Variants in DYNC1LI2 observed in about 807,000 individuals in gnomAD.
The protein encoded by DYNC1LI2 is cytoplasmic dynein 1 light intermediate chain 2.
Under a neutral mutation model 57.8 loss-of-function variants are expected in DYNC1LI2, and 19 were observed. That is an observed-to-expected ratio of 0.33 (90% CI 0.23 to 0.48). DYNC1LI2 has a LOEUF of 0.48. DYNC1LI2 is among the 20% of genes least tolerant of loss of function. The pLI is 0.99. For synonymous variants in DYNC1LI2, 256 were observed against 233.4 expected (o/e 1.10, Z -0.88); for missense variants, 470 against 604.2 (o/e 0.78, Z 2.33).
chr16:66,734,522 T>C (rs2017696479), intron 5 of DYNC1LI2, among the ~76,000 whole-genome samples: 1 of 151,652 alleles, frequency 6.6e-6, no homozygotes, highest in Admixed American at 6.6e-5. Flanking sequence ...AGTGAAGATG[T>C]AATAGGCCTG....
chr16:66,730,077 G>A (rs199834045), intron 8 of DYNC1LI2, 35 bp downstream of exon 8: 24 of 1,585,376 alleles, frequency 1.5e-5, no homozygotes, highest in Middle Eastern at 1.7e-4. Context: ...CACCGCGCCC[G>A]GCCCTAAACC....
intron 4 of DYNC1LI2, 99 bp from the exon 5 acceptor site, chr16:66,736,343 G>T: frequency 1.4e-6 from 2 of 1,393,064 alleles, no homozygotes; most frequent in Non-Finnish European, 1.9e-6. Context: ...ACAAAACACA[G>T]GCAGTTGTGT....
rs2017838768 is a variant in DYNC1LI2 at position 66,741,646 on chromosome 16, A to AGGCTGGGTCAAGCTTGCCCCGGCCAGGAC, written c.529+763_529+791dup. On this transcript the variant is annotated intron_variant, in intron 4 of 12. Transcript: ENST00000258198. ...TGATGTCATCCTGTGAAAATACGCC[A>AGGCTGGGTCAAGCTTGCCCCGGCCAGGAC]GGCTGGGTCAAGCTTGCCCCGGCCA... 4.6e-5 allele frequency among the ~76,000 whole-genome samples: 7 copies of AGGCTGGGTCAAGCTTGCCCCGGCCAGGAC among 152,130 alleles called. No homozygotes were observed. In the South Asian group the frequency reaches 1.5e-3, roughly 32 times the overall value.
chr16:66,723,980 A>G (rs2017494478), intron 12 of DYNC1LI2, among the ~76,000 whole-genome samples, 158 bp from the exon 13 acceptor site: 1 of 152,170 alleles, frequency 6.6e-6, no homozygotes, highest in Non-Finnish European at 1.5e-5. Context: ...AGTGGTGAGG[A>G]GACCCCAACT....
At position 66,723,828 on chromosome 16, in the gene DYNC1LI2, A is replaced by G; in HGVS notation, c.1379-6T>C. ...TGACAACACAGTCTTTTGTCCTGAA[A>G]AAAAAAAAAAGCAAAAAAGCAAAGT... On this transcript the variant is annotated splice_region_variant and splice_polypyrimidine_tract_variant and intron_variant, in intron 12 of 12. Coordinates refer to ENST00000258198, the MANE Select transcript of DYNC1LI2 (RefSeq NM_006141.3). The G allele has an allele frequency of 1.3e-6, 2 of 1,496,028 alleles. No homozygotes were observed. The highest frequency in any genetic ancestry group is 8.9e-7 in the Non-Finnish European group (1 of 1,118,136). 92.7% of individuals were successfully genotyped at this position (1,496,028 alleles called of 1,614,324 possible).
chr16:66,751,525 C>G lies in DYNC1LI2; in HGVS notation c.67G>C (p.Gly23Arg). The G allele has an allele frequency of 6.3e-7, 1 of 1,587,986 alleles. No homozygotes were observed. Among genetic ancestry groups the G allele is most frequent in the Non-Finnish European group, 8.5e-7 (1 of 1,169,686 alleles). ...TCCTCCTCCTCACTGGTCAGGTCGCCGGCGGCCGCCACCGCGGGCCCGTTG... is the reference window on the plus strand; with the variant it reads ...TCCTCCTCCTCACTGGTCAGGTCGCGGGCGGCCGCCACCGCGGGCCCGTTG... ...GPNGPAVAAA[G>R]DLTSEEEEGQ... The change falls in exon 1 of 13, where the codon GGC (glycine) becomes CGC (arginine). Residue 23 changes from glycine to arginine, a missense_variant. By Grantham distance (125) the Gly-to-Arg change is moderately radical (BLOSUM62 -2). Transcript: ENST00000258198. The surrounding 1 kb of genome is among the most constrained non-coding windows in gnomAD (Gnocchi z 5.2).
chr16:66,750,337 G>T (rs1051924185), intron 2 of DYNC1LI2, among the ~76,000 whole-genome samples: 1 of 152,146 alleles, frequency 6.6e-6, no homozygotes, highest in Non-Finnish European at 1.5e-5. Flanking sequence ...GGGGATGGAG[G>T]TGAGATAAAA....
intron 12 of DYNC1LI2, among the ~76,000 whole-genome samples, chr16:66,724,227 A>G (rs908439249): frequency 7.9e-5 from 12 of 152,240 alleles, no homozygotes; most frequent in African/African-American, 2.7e-4. Flanking sequence ...GTTTTTGTTT[A>G]TAACATTCTA....
In DYNC1LI2 at chr16:66,735,081, C is replaced by T. The variant is rs937327168; in HGVS notation, c.700-770G>A. Among the ~76,000 whole-genome samples the T allele has an allele frequency of 2.9e-4, 42 of 144,398 alleles. 1 individual carries two copies. Among genetic ancestry groups the T allele is most frequent in the East Asian group, 2.0e-4 (1 of 4,976 alleles). The allele number at this position is 144,398 out of a possible 152,430, so 94.7% of individuals were successfully genotyped here. A position where few individuals can be genotyped will look rare whatever the true frequency, so the allele number is the denominator to read the frequency against. ...GATACAACTTTATTTCTCTATTTCT[C>T]TATGACTGAACTTTGTTTGTTTTTT... On this transcript the variant is annotated intron_variant, in intron 5 of 12. Transcript: ENST00000258198.
At chr16:66,727,650 C>A in intron 11 of DYNC1LI2, 38 bp downstream of exon 11, 1 of 1,606,068 alleles carries the variant, frequency 6.2e-7, no homozygotes, top group Non-Finnish European at 8.5e-7. Context: ...TAAAACTAAA[C>A]TACTCTCCAA....
In DYNC1LI2 at chr16:66,732,489, C is replaced by G; in HGVS notation, c.794-15G>C. On this transcript the variant is annotated splice_polypyrimidine_tract_variant and intron_variant, in intron 6 of 12. Coordinates refer to ENST00000258198, the MANE Select transcript of DYNC1LI2 (RefSeq NM_006141.3). ...GGCAGCTCCATCTAATCAATCTGCT[C>G]AAGAAAAATCAATTCACTGCAGGAG... 1.2e-6 allele frequency: 2 copies of G among 1,604,334 alleles called. No individual in the cohort carries two copies. The highest frequency in any genetic ancestry group is 1.7e-6 in the Non-Finnish European group (2 of 1,177,630).
In DYNC1LI2 at chr16:66,730,130, C is replaced by A; in HGVS notation, c.1023G>T (p.Val341=). 4 of 1,613,650 alleles carry A rather than the reference C, an allele frequency of 2.5e-6. No homozygotes were observed. Among genetic ancestry groups the A allele is most frequent in the Non-Finnish European group, 3.4e-6 (4 of 1,179,934 alleles). Residue 341 remains valine (V), a synonymous_variant, in exon 8 of 13, where the codon GTG becomes GTT. Transcript: ENST00000258198. ...KPEDAYEDFI[V]KPPVRKLVHD... is the part of the protein sequence containing the mutation. ...TGACTACCTTTCTCACGGGAGGTTT[C>A]ACAATAAAGTCTTCATATGCATCTT... is the stretch of plus-strand genomic sequence containing the variant.
At chr16:66,730,554 C>T (rs1001010646) in intron 7 of DYNC1LI2, 4 of 187,414 alleles carry the variant, frequency 2.1e-5, no homozygotes, top group African/African-American at 4.7e-5. Context: ...GGTCCTGTTC[C>T]GACAGAGAAT....
chr16:66,723,979 G>A (rs999842885), intron 12 of DYNC1LI2, among the ~76,000 whole-genome samples, 157 bp from the exon 13 acceptor site: 1 of 152,148 alleles, frequency 6.6e-6, no homozygotes, highest in Non-Finnish European at 1.5e-5. Flanking sequence ...CAGTGGTGAG[G>A]AGACCCCAAC....
intron 5 of DYNC1LI2, among the ~76,000 whole-genome samples, chr16:66,735,393 G>C (rs2017715777): frequency 6.6e-6 from 1 of 151,876 alleles, no homozygotes; most frequent in African/African-American, 2.4e-5. Flanking sequence ...CACCATGTCT[G>C]GCATGACTGA....
chr16:66,723,877 T>G, intron 12 of DYNC1LI2, 55 bp from the exon 13 acceptor site: 1 of 1,450,698 alleles, frequency 6.9e-7, no homozygotes, highest in Non-Finnish European at 9.3e-7. Context: ...GAGGAAACAA[T>G]TTTTTTTAAA....
intron 8 of DYNC1LI2, 124 bp from the exon 9 acceptor site, chr16:66,729,223 G>C: frequency 9.7e-7 from 1 of 1,034,626 alleles, no homozygotes; most frequent in Non-Finnish European, 1.5e-6. Flanking sequence ...TCCCTACTGA[G>C]ACTGCAGAGT....
intron 3 of DYNC1LI2, among the ~76,000 whole-genome samples, chr16:66,744,784 T>A (rs1297191128): frequency 6.6e-6 from 1 of 152,148 alleles, no homozygotes; most frequent in African/African-American, 2.4e-5. Flanking sequence ...GGTCTCGAAC[T>A]CCTGACCTCA....
Position 66,734,255 on chromosome 16 carries a change from G to C in DYNC1LI2, c.756C>G (p.Asp252Glu). Reference sequence around the variant, plus strand: ...ACCTCCGCAGGTGTGACTGGATAAAGTCCAAATGCTCATCCCTGTAATCGT... The same window carrying C: ...ACCTCCGCAGGTGTGACTGGATAAACTCCAAATGCTCATCCCTGTAATCGT... ...KEHDYRDEHL[D>E]FIQSHLRRFC... Residue 252 changes from aspartate to glutamate, a missense_variant, in exon 6 of 13, where the codon GAC (aspartate) becomes GAG (glutamate). Transcript: ENST00000258198. 6.2e-7 allele frequency: 1 copy of C among 1,614,172 alleles called. No homozygotes were observed. The highest frequency in any genetic ancestry group is 8.5e-7 in the Non-Finnish European group (1 of 1,180,038).
Sources: gnomAD v4.1 joint callset for allele counts (sites outside exome capture counted in the v4.1 genomes callset) on GRCh38, gnomAD v4.1.1 for gene constraint, Gnocchi (gnomAD v3.1) non-coding constraint, MANE v1.5 for transcripts, NCBI Gene and HGNC (gene_info 2026-07-23, HGNC 2026-07-21) for gene names.